The following HELLS variants were observed in gnomAD, a reference collection of about 807,000 sequenced individuals.
HELLS encodes the protein helicase, lymphoid specific.
In HELLS, 32 loss-of-function variants were observed where a neutral mutation model predicts 120.0. The ratio of observed to expected loss-of-function variants is 0.27; its 90% CI spans 0.20 to 0.36. The LOEUF is 0.36. HELLS is among the 10% of genes least tolerant of loss of function. The pLI is 1.00. For synonymous variants in HELLS, 341 were observed against 323.4 expected (o/e 1.05, Z -0.58); for missense variants, 650 against 993.4 (o/e 0.65, Z 4.65).
chr10:94,608,026 G>A, exon 9 of HELLS: 2 of 254,492 alleles, frequency 7.9e-6, no homozygotes, highest in Non-Finnish European at 8.2e-6. Flanking sequence ...CGTGGCCTGA[G>A]GTAAGATTTT....
At chr10:94,612,866 G>T (rs1041469202) in exon 10 of HELLS, 1 of 152,244 alleles carries the variant, frequency 6.6e-6, no homozygotes. Flanking sequence ...ACAGGTTGCA[G>T]TGAGCCAAGA....
At chr10:94,567,518 G>A (rs578109942) in intron 6 of HELLS, among the ~76,000 whole-genome samples, 10 of 152,052 alleles carry the variant, frequency 6.6e-5, no homozygotes, top group Admixed American at 2.6e-4. Flanking sequence ...GGCTGGTCTC[G>A]AACTCCCGAT....
chr10:94,581,712 C>T (rs1183461243), intron 11 of HELLS, among the ~76,000 whole-genome samples, 190 bp downstream of exon 11: 2 of 152,146 alleles, frequency 1.3e-5, no homozygotes, highest in Non-Finnish European at 2.9e-5. Flanking sequence ...AACTTACTTG[C>T]ATTGATTAAA....
exon 10 of HELLS, chr10:94,610,948 G>GA (rs948984225): frequency 1.6e-4 from 24 of 152,266 alleles, no homozygotes; most frequent in African/African-American, 5.5e-4. Context: ...GTCGAAGGAA[G>GA]AAAATTACAG....
At chr10:94,575,767 GTGTTTGTGT>G (rs1844429423) in intron 9 of HELLS, among the ~76,000 whole-genome samples, 15 of 95,454 alleles carry the variant, frequency 1.6e-4, no homozygotes, top group South Asian at 4.3e-4. Context: ...GGGGGGGGTT[GTGTTTGTGT>G]GTGTGTGTGT....
exon 10 of HELLS, chr10:94,610,899 A>C (rs757709598): frequency 1.3e-5 from 2 of 152,206 alleles, no homozygotes; most frequent in Non-Finnish European, 2.9e-5. Flanking sequence ...CCGATAACAG[A>C]TGTTTTAATA....
rs901127683 is a variant in HELLS, at chr10:94,601,476, TTTC to T, written c.2423-43_2423-41del. On this transcript the variant is annotated intron_variant, in intron 21 of 21. Coordinates refer to ENST00000348459, the MANE Select transcript of HELLS (RefSeq NM_018063.5). ...ATCATATTGGATGTTTCTTTTACGA[TTTC>T]TTCTTCTTATACTTCTAAAATGTAC... 8.4e-4 allele frequency: 820 copies of T among 978,748 alleles called. 7 individuals are homozygous for T. The highest frequency in any genetic ancestry group is 9.0e-5 in the Non-Finnish European group (56 of 625,138). 60.6% of individuals were successfully genotyped at this position (978,748 alleles called of 1,614,324 possible). A position where few individuals can be genotyped will look rare whatever the true frequency, so the allele number is the denominator to read the frequency against.
intron 21 of HELLS, 56 bp from the exon 22 acceptor site, chr10:94,601,472 A>T: frequency 2.1e-6 from 2 of 948,072 alleles, no homozygotes; most frequent in Non-Finnish European, 3.3e-6. Flanking sequence ...TGTTTCTTTT[A>T]CGATTTCTTC....
intron 21 of HELLS, among the ~76,000 whole-genome samples, chr10:94,597,834 A>T (rs1845813906): frequency 6.6e-6 from 1 of 152,166 alleles, no homozygotes; most frequent in Non-Finnish European, 1.5e-5. Flanking sequence ...CACCAAGCCT[A>T]ACGTGGTGAT....
rs562324253 is a variant in HELLS, at chr10:94,578,255, A to G, written c.1032+1450A>G. On this transcript the variant is annotated intron_variant, in intron 10 of 21. Coordinates refer to ENST00000348459, the MANE Select transcript of HELLS (RefSeq NM_018063.5). ...TCAAAAAGAAAAAAAAATTTAAACC[A>G]GTAGTCCCCAACCTTTTGGCACCAG... 6.0e-5 allele frequency among the ~76,000 whole-genome samples: 9 copies of G among 149,488 alleles called. No homozygotes were observed. The South Asian group carries it at 1.9e-3, about 32-fold the overall frequency.
At chr10:94,593,693 C>G in intron 18 of HELLS, 78 bp downstream of exon 18, 1 of 840,002 alleles carries the variant, frequency 1.2e-6, no homozygotes, top group Non-Finnish European at 2.0e-6. Context: ...AATGGAGTCT[C>G]ACTCTGTTGC....
chr10:94,557,929 A>G (rs1383697740), intron 3 of HELLS, among the ~76,000 whole-genome samples: 1 of 152,220 alleles, frequency 6.6e-6, no homozygotes, highest in Non-Finnish European at 1.5e-5. Context: ...ATTGTTTAAT[A>G]AATTTTATCT....
chr10:94,592,506 G>C lies in HELLS; in HGVS notation c.1963G>C (p.Glu655Gln). Residue 655 changes from glutamate to glutamine, a missense_variant, in exon 17 of 22, where the codon GAA becomes CAA. Transcript: ENST00000348459. Reference protein sequence around the residue: ...LDGSMSYSEREKNMHSFNTDP... With the variant: ...LDGSMSYSERQKNMHSFNTDP... ...TGGGTCCATGTCTTACTCAGAGAGAGAAAAAAACGTAAGACTACTTATGTC... is the reference window on the plus strand; with the variant it reads ...TGGGTCCATGTCTTACTCAGAGAGACAAAAAAACGTAAGACTACTTATGTC... 6.9e-7 allele frequency: 1 copy of C among 1,458,016 alleles called. No homozygotes were observed. Among genetic ancestry groups the C allele is most frequent in the Non-Finnish European group, 9.1e-7 (1 of 1,104,428 alleles). 90.3% of individuals were successfully genotyped at this position (1,458,016 alleles called of 1,614,324 possible).
chr10:94,584,542 A>G (rs1304475562), intron 12 of HELLS, among the ~76,000 whole-genome samples: 2 of 152,104 alleles, frequency 1.3e-5, no homozygotes, highest in South Asian at 2.1e-4. Context: ...TCAGTAGTGT[A>G]TACATCCATA....
intron 2 of HELLS, among the ~76,000 whole-genome samples, chr10:94,550,815 C>G (rs1842947985): frequency 6.6e-6 from 1 of 152,014 alleles, no homozygotes; most frequent in Non-Finnish European, 1.5e-5. Context: ...TCGCTTGAGC[C>G]TGGGAGGCGC....
At chr10:94,576,501 C>T (rs1389745223) in intron 9 of HELLS, among the ~76,000 whole-genome samples, 161 bp from the exon 10 acceptor site, 1 of 151,002 alleles carries the variant, frequency 6.6e-6, no homozygotes, top group Admixed American at 6.6e-5. Context: ...CATAATAGTT[C>T]AATGATTTGT....
At chr10:94,581,906 C>T (rs1048271520) in intron 11 of HELLS, among the ~76,000 whole-genome samples, 2 of 152,104 alleles carry the variant, frequency 1.3e-5, no homozygotes, top group African/African-American at 4.8e-5. Context: ...AAAGTTGTTA[C>T]AAGATAAGAC....
chr10:94,609,071 T>A (rs1263341294), intron 9 of HELLS, among the ~76,000 whole-genome samples: 1 of 135,966 alleles, frequency 7.4e-6, no homozygotes, highest in Non-Finnish European at 1.5e-5. Context: ...CTGCCCAGGC[T>A]GGAGTGCAGT....
At chr10:94,612,192 C>G (rs1355184849) in exon 10 of HELLS, 1 of 151,822 alleles carries the variant, frequency 6.6e-6, no homozygotes, top group East Asian at 1.9e-4. Context: ...GGTATTAATC[C>G]TCAGGTGGTT....
Sources: gnomAD v4.1 joint callset for allele counts (sites outside exome capture counted in the v4.1 genomes callset) on GRCh38, gnomAD v4.1.1 for gene constraint, MANE v1.5 for transcripts, NCBI Gene and HGNC (gene_info 2026-07-23, HGNC 2026-07-21) for gene names.